INVS: variants seen among roughly 807,000 people sequenced by gnomAD.
INVS encodes the protein inversin.
In INVS, 86 loss-of-function variants were observed where a neutral mutation model predicts 108.8. That is an observed-to-expected ratio of 0.79 (90% CI 0.66 to 0.95). The LOEUF is 0.95. Among genes scored for constraint, INVS ranks in the 40% least tolerant of loss-of-function variants. The pLI is 0.00. For missense variants in INVS, 1,169 were observed against 1,297.4 expected (o/e 0.90, Z 1.52); for synonymous variants, 455 against 473.5 (o/e 0.96, Z 0.51).
chr9:100,298,261 A>G, intron 16 of INVS: 2 of 1,377,462 alleles, frequency 1.5e-6, no homozygotes, highest in South Asian at 3.0e-5. Context: ...GATCACTTTT[A>G]CACATTTTTT....
At chr9:100,267,783 C>T (rs181634093) in intron 11 of INVS, among the ~76,000 whole-genome samples, 19 of 152,104 alleles carry the variant, frequency 1.2e-4, no homozygotes, top group African/African-American at 4.6e-4. Flanking sequence ...AGACTTCAAT[C>T]TTAAAATGAT....
chr9:100,133,581 G>A (rs1828117887), intron 3 of INVS, among the ~76,000 whole-genome samples: 1 of 151,966 alleles, frequency 6.6e-6, no homozygotes, highest in Non-Finnish European at 1.5e-5. Context: ...CTAATTAGAA[G>A]CAAATTAAAA....
rs541110961 is a variant in INVS, at chr9:100,165,086, A to AT, written c.273+38547dup. Among the ~76,000 whole-genome samples the AT allele has an allele frequency of 2.0e-3, 292 of 145,242 alleles. 4 individuals are homozygous for AT. Among genetic ancestry groups the AT allele is most frequent in the Admixed American group, 0.016 (231 of 14,614 alleles). ...AAAGACTTGATCTGATTATTGTTCA[A>AT]TTTTTTTTTTCTTTTTTAAATTTCT... On this transcript the variant is annotated intron_variant, in intron 3 of 16. Transcript: ENST00000262457.
intron 5 of INVS, 147 bp downstream of exon 5, chr9:100,229,974 G>A: frequency 1.3e-6 from 1 of 761,190 alleles, no homozygotes; most frequent in Admixed American, 2.3e-5. Flanking sequence ...CCCCCAAGAA[G>A]TAGAACATTT....
Position 100,301,152 on chromosome 9 carries a change from CACACACACACACACACACACACACACAT to C in INVS, c.*480_*507del, listed in dbSNP as rs951698098. 9.5e-6 allele frequency among the ~76,000 whole-genome samples: 1 copy of C among 105,324 alleles called. No individual in the cohort carries two copies. Among genetic ancestry groups the C allele is most frequent in the African/African-American group, 5.0e-5 (1 of 19,846 alleles). 69.1% of individuals were successfully genotyped at this position (105,324 alleles called of 152,430 possible). On this transcript the variant is annotated 3_prime_UTR_variant, in exon 17 of 17. Coordinates refer to ENST00000262457, the MANE Select transcript of INVS (RefSeq NM_014425.5). ...GCAACAAACTTATCACACACACACA[CACACACACACACACACACACACACACAT>C]ATCACGTCCCACTATTACTTCAAAA... is the stretch of plus-strand genomic sequence containing the variant.
In INVS at chr9:100,273,527, C is replaced by CTTTTTTT. The variant is rs58458085; in HGVS notation, c.1784+472_1784+478dup. ...ACTTGGTTTTTTTTTCCACTCAGTTCTTTTTTTTTTTTTTTTTTTTTTTTT... is the reference window on the plus strand; with the variant it reads ...ACTTGGTTTTTTTTTCCACTCAGTTCTTTTTTTTTTTTTTTTTTTTTTTTTTTTTTTT... On this transcript the variant is annotated intron_variant, in intron 12 of 16. Transcript: ENST00000262457. 5.2e-5 allele frequency among the ~76,000 whole-genome samples: 5 copies of CTTTTTTT among 96,320 alleles called. 1 individual carries two copies. Among genetic ancestry groups the CTTTTTTT allele is most frequent in the East Asian group, 5.2e-4 (1 of 1,938 alleles). The allele number at this position is 96,320 out of a possible 152,430, so 63.2% of individuals were successfully genotyped here. A position where few individuals can be genotyped will look rare whatever the true frequency, so the allele number is the denominator to read the frequency against.
At position 100,264,813 on chromosome 9, in the gene INVS, T is replaced by C. The variant is rs1832736175; in HGVS notation, c.1465-9T>C. On this transcript the variant is annotated splice_polypyrimidine_tract_variant and intron_variant, in intron 10 of 16. Coordinates refer to ENST00000262457, the MANE Select transcript of INVS (RefSeq NM_014425.5). ...TCCAGATGTACTTGATTTTTGTTTA[T>C]GCTTATAGGGAAGAACAGCTTTGCA... 4 of 1,596,210 alleles carry C rather than the reference T, an allele frequency of 2.5e-6. No homozygotes were observed. In the East Asian group the frequency reaches 8.9e-5, roughly 36 times the overall value.
At chr9:100,208,665 A>G (rs942171035) in intron 3 of INVS, among the ~76,000 whole-genome samples, 16 of 152,328 alleles carry the variant, frequency 1.1e-4, no homozygotes, top group African/African-American at 2.4e-4. Flanking sequence ...GGGTGCTTCA[A>G]AGGAACCAGG....
chr9:100,105,043 G>A (rs1163243893), intron 2 of INVS, among the ~76,000 whole-genome samples: 1 of 152,098 alleles, frequency 6.6e-6, no homozygotes, highest in African/African-American at 2.4e-5. Flanking sequence ...ATATATAAGT[G>A]ATATATAGAG....
intron 3 of INVS, among the ~76,000 whole-genome samples, chr9:100,161,380 A>ACAAAAAAAC (rs1564138752): frequency 8.7e-6 from 1 of 115,430 alleles, no homozygotes; most frequent in African/African-American, 5.0e-5. Flanking sequence ...AAAAAAAAAA[A>ACAAAAAAAC]AAAAAAAAAA....
intron 2 of INVS, 48 bp from the exon 3 acceptor site, chr9:100,126,335 T>G: frequency 7.1e-7 from 1 of 1,415,946 alleles, no homozygotes; most frequent in Non-Finnish European, 9.9e-7. Context: ...CTACTTATAT[T>G]AGTAATAACA....
intron 2 of INVS, among the ~76,000 whole-genome samples, chr9:100,110,946 G>A (rs938495305): frequency 6.6e-6 from 1 of 152,204 alleles, no homozygotes; most frequent in African/African-American, 2.4e-5. Context: ...TTAGGACACT[G>A]AGACTCAGAA....
chr9:100,274,865 C>T (rs1053163282), intron 12 of INVS, among the ~76,000 whole-genome samples: 2 of 152,088 alleles, frequency 1.3e-5, no homozygotes, highest in African/African-American at 4.8e-5. Flanking sequence ...AATCTTGAGT[C>T]CTTCTAACTC....
At chr9:100,251,362 A>G (rs1261118799) in intron 8 of INVS, among the ~76,000 whole-genome samples, 1 of 152,254 alleles carries the variant, frequency 6.6e-6, no homozygotes, top group Non-Finnish European at 1.5e-5. Context: ...AGAACTGGCC[A>G]AGGCCTCTAA....
intron 2 of INVS, among the ~76,000 whole-genome samples, chr9:100,122,333 C>T (rs1262695946): frequency 3.3e-5 from 5 of 151,976 alleles, no homozygotes; most frequent in Admixed American, 6.6e-5. Context: ...TTTTTGCTGC[C>T]TGTATCTTGA....
intron 3 of INVS, among the ~76,000 whole-genome samples, chr9:100,200,884 C>T (rs2118229331): frequency 6.6e-6 from 1 of 152,288 alleles, no homozygotes; most frequent in Non-Finnish European, 1.5e-5. Context: ...CTGAAGTAGC[C>T]TACCAATCTT....
At chr9:100,201,809 G>A (rs150620445) in intron 3 of INVS, among the ~76,000 whole-genome samples, 2 of 152,312 alleles carry the variant, frequency 1.3e-5, no homozygotes, top group African/African-American at 4.8e-5. Context: ...GCTATCCAAA[G>A]GAATTGAGTT....
intron 2 of INVS, chr9:100,117,448 G>T: frequency 3.8e-6 from 3 of 790,258 alleles, no homozygotes; most frequent in South Asian, 2.7e-5. Flanking sequence ...GCTTGGTGAC[G>T]GGCATGCACT....
In INVS at chr9:100,126,466, G is replaced by A. The variant is rs1025104971; in HGVS notation, c.190G>A (p.Ala64Thr). The A allele has an allele frequency of 1.2e-6, 2 of 1,614,108 alleles. No individual in the cohort carries two copies. Among genetic ancestry groups the A allele is most frequent in the Admixed American group, 3.3e-5 (2 of 60,032 alleles). Residue 64 changes from alanine to threonine, a missense_variant, in exon 3 of 17, where the codon GCA (alanine) becomes ACA (threonine). Ala to Thr is a moderately conservative substitution (Grantham distance 58, BLOSUM62 0). Around this residue, in one of 3 missense-constraint regions of INVS, gnomAD observed 365 missense variants for 397.5 expected, o/e 0.92. Transcript: ENST00000262457. ...CGTGTTGGCTGACAGATTGGATTGT[G>A]CAGATGCTCTTCTGAAGGCAGGAGC... ...YCVLADRLDC[A>T]DALLKAGADV...
Sources: gnomAD v4.1 joint callset for allele counts (sites outside exome capture counted in the v4.1 genomes callset) on GRCh38, gnomAD v4.1.1 for gene constraint, gnomAD v4.1.1 regional missense constraint, MANE v1.5 for transcripts, NCBI Gene and HGNC (gene_info 2026-07-23, HGNC 2026-07-21) for gene names.